The following ZNF66 variants were observed in gnomAD, a reference collection of about 807,000 sequenced individuals.
The protein encoded by ZNF66 is zinc finger protein 66.
ZNF66 carries 32 observed loss-of-function variants against 35.2 expected under a neutral mutation model. That is an observed-to-expected ratio of 0.91 (90% CI 0.69 to 1.22). The LOEUF is 1.22. Among genes scored for constraint, ZNF66 ranks in the 50% most tolerant of loss-of-function variants. The probability of loss-of-function intolerance (pLI) is 0.00; values close to 1 mark genes in which losing one functional copy is unlikely to be tolerated. For synonymous variants in ZNF66, 231 were observed against 181.3 expected (o/e 1.27, Z -2.20); for missense variants, 666 against 543.1 (o/e 1.23, Z -2.25).
At position 20,807,072 on chromosome 19, in the gene ZNF66, A is replaced by T; in HGVS notation, c.1472A>T (p.Lys491Met). Residue 491 changes from lysine (K) to methionine (M), a missense_variant, in exon 4 of 4, where the codon AAG becomes ATG. By Grantham distance (95) the Lys-to-Met change is moderately conservative (BLOSUM62 -1). Coordinates refer to ENST00000344519, the MANE Select transcript of ZNF66 (RefSeq NM_001355197.2). ...TGTGAAGAATGTGGCAAGGCCTTTAAGTGCTCCTCTATTCTTACTACACAT... is the reference window on the plus strand; with the variant it reads ...TGTGAAGAATGTGGCAAGGCCTTTATGTGCTCCTCTATTCTTACTACACAT... Reference protein sequence around the residue: ...YKCEECGKAFKCSSILTTHKR... With the variant: ...YKCEECGKAFMCSSILTTHKR... 1 of 801,820 alleles carries T rather than the reference A, an allele frequency of 1.2e-6. No individual in the cohort carries two copies. 49.7% of individuals were successfully genotyped at this position (801,820 alleles called of 1,614,324 possible).
chr19:20,797,880 C>T (rs1011899259), intron 3 of ZNF66, among the ~76,000 whole-genome samples: 1 of 152,046 alleles, frequency 6.6e-6, no homozygotes, highest in East Asian at 1.9e-4. Flanking sequence ...GGTTTCTTAC[C>T]ATTAGTTTAT....
At chr19:20,792,011 C>T (rs1206286386) in intron 1 of ZNF66, among the ~76,000 whole-genome samples, 1 of 152,066 alleles carries the variant, frequency 6.6e-6, no homozygotes, top group Non-Finnish European at 1.5e-5. Context: ...GGAAAAAACA[C>T]AGGCTCTTCC....
At position 20,793,763 on chromosome 19, in the gene ZNF66, AT is replaced by A; in HGVS notation, c.131-17del. The stretch of plus-strand genomic sequence containing the variant: ...GGAGAATGTGAGCAAGATTCATGTT[AT>A]TTATTTTTGATAAAACAGGTATTGT... On this transcript the variant is annotated intron_variant, in intron 2 of 3. Coordinates refer to ENST00000344519, the MANE Select transcript of ZNF66 (RefSeq NM_001355197.2). The A allele has an allele frequency of 1.1e-6, 1 of 876,048 alleles. No homozygotes were observed. The highest frequency in any genetic ancestry group is 1.7e-6 in the Non-Finnish European group (1 of 597,720). 54.3% of individuals were successfully genotyped at this position (876,048 alleles called of 1,614,324 possible). A position where few individuals can be genotyped will look rare whatever the true frequency, so the allele number is the denominator to read the frequency against.
chr19:20,793,114 C>T (rs1048802978), intron 2 of ZNF66, among the ~76,000 whole-genome samples: 7 of 151,118 alleles, frequency 4.6e-5, no homozygotes, highest in African/African-American at 1.7e-4. Flanking sequence ...CAAGATATTT[C>T]ATCTTAATAC....
chr19:20,781,007 C>G (rs1339425428), intron 1 of ZNF66, among the ~76,000 whole-genome samples: 1 of 152,162 alleles, frequency 6.6e-6, no homozygotes, highest in African/African-American at 2.4e-5. Flanking sequence ...GCCAAGAACC[C>G]ACAAGTCTCT....
chr19:20,809,367 A>G lies in ZNF66; in HGVS notation c.*2045A>G, dbSNP rs1971564068. ...ACTCCTTGAGAAGAGCAACTCCAAG[A>G]CACATAATTGTCAGATTCACCAAAG... On this transcript the variant is annotated 3_prime_UTR_variant, in exon 4 of 4. Coordinates refer to ENST00000344519, the MANE Select transcript of ZNF66 (RefSeq NM_001355197.2). 6.6e-6 allele frequency among the ~76,000 whole-genome samples: 1 copy of G among 152,082 alleles called. No homozygotes were observed. The highest frequency in any genetic ancestry group is 1.5e-5 in the Non-Finnish European group (1 of 67,990).
chr19:20,797,169 G>A (rs10410434), intron 3 of ZNF66, among the ~76,000 whole-genome samples: 109,934 of 137,128 alleles, frequency 0.8, 44,294 homozygotes, highest in Non-Finnish European at 0.84. Flanking sequence ...TTTTAATAAT[G>A]CATCAATGTT....
At chr19:20,805,392 C>T (rs923627748) in intron 3 of ZNF66, among the ~76,000 whole-genome samples, 3 of 152,082 alleles carry the variant, frequency 2.0e-5, no homozygotes, top group African/African-American at 7.2e-5. Context: ...TGGGTTCTCA[C>T]CATCTTGGCC....
chr19:20,803,503 T>A (rs1971470672), intron 3 of ZNF66, among the ~76,000 whole-genome samples: 1 of 152,036 alleles, frequency 6.6e-6, no homozygotes, highest in Admixed American at 6.6e-5. Context: ...CTGCCTTCTA[T>A]TTTGTTATTG....
chr19:20,789,446 T>C (rs192723560), intron 1 of ZNF66, among the ~76,000 whole-genome samples: 14 of 152,308 alleles, frequency 9.2e-5, no homozygotes, highest in Admixed American at 6.5e-4. Flanking sequence ...ATGGGATAAA[T>C]AACGTATGTA....
chr19:20,788,703 A>G (rs957195399), intron 1 of ZNF66, among the ~76,000 whole-genome samples: 8 of 151,946 alleles, frequency 5.3e-5, no homozygotes, highest in Admixed American at 3.9e-4. Flanking sequence ...ACGCCTGGCC[A>G]TATAATTTCT....
Position 20,806,002 on chromosome 19 carries a change from C to G in ZNF66, c.402C>G (p.Asn134Lys), listed in dbSNP as rs780121700. The G allele has an allele frequency of 2.5e-6, 2 of 798,214 alleles. No homozygotes were observed. The highest frequency in any genetic ancestry group is 4.4e-6 in the Non-Finnish European group (2 of 457,934). The allele number at this position is 798,214 out of a possible 1,614,324, so 49.4% of individuals were successfully genotyped here. ...KVHKRGYNGL[N>K]QCLTTTQSKM... ...ACAAAAGAGGTTATAATGGACTTAA[C>G]CAATGTTTGACAACTACCCAAAGCA... is the stretch of plus-strand genomic sequence containing the variant. The change falls in exon 4 of 4, where the codon AAC (asparagine) becomes AAG (lysine). Residue 134 changes from asparagine (N) to lysine (K), a missense_variant. By Grantham distance (94) the Asn-to-Lys change is moderately conservative (BLOSUM62 0). Transcript: ENST00000344519.
intron 1 of ZNF66, among the ~76,000 whole-genome samples, chr19:20,776,740 G>T (rs1214534946): frequency 2.0e-5 from 3 of 152,182 alleles, no homozygotes; most frequent in African/African-American, 7.2e-5. Flanking sequence ...GTCTTCAGGG[G>T]AGAATGCTGA....
chr19:20,793,335 T>TTC (rs911116498), intron 2 of ZNF66, among the ~76,000 whole-genome samples: 4 of 134,716 alleles, frequency 3.0e-5, no homozygotes, highest in African/African-American at 1.1e-4. Flanking sequence ...TTCTTTTCTT[T>TTC]TTTTTTTTTT....
intron 3 of ZNF66, among the ~76,000 whole-genome samples, chr19:20,799,807 A>G (rs1971431623): frequency 2.0e-5 from 3 of 152,054 alleles, no homozygotes; most frequent in South Asian, 2.1e-4. Flanking sequence ...GTCTTTGTGT[A>G]TCACATTGTT....
chr19:20,800,361 A>G (rs1438544807), intron 3 of ZNF66, among the ~76,000 whole-genome samples: 1 of 152,224 alleles, frequency 6.6e-6, no homozygotes, highest in Non-Finnish European at 1.5e-5. Context: ...ACCAGATGCA[A>G]ATAAGAATAT....
rs769394966 is a variant in ZNF66 at position 20,806,068 on chromosome 19, A to T, written c.468A>T (p.Gln156His). Residue 156 changes from glutamine to histidine, a missense_variant, in exon 4 of 4, where the codon CAA becomes CAT. Coordinates refer to ENST00000344519, the MANE Select transcript of ZNF66 (RefSeq NM_001355197.2). ...QCDKHGKVFH[Q>H]FSNTNRHKIR... ...ATAAACATGGGAAAGTCTTTCATCAATTTTCAAATACAAACAGACATAAGA... is the reference window on the plus strand; with the variant it reads ...ATAAACATGGGAAAGTCTTTCATCATTTTTCAAATACAAACAGACATAAGA... The T allele has an allele frequency of 3.5e-6, 3 of 859,026 alleles. 1 individual carries two copies. The highest frequency in any genetic ancestry group is 3.3e-5 in the African/African-American group (2 of 59,750). The allele number at this position is 859,026 out of a possible 1,614,324, so 53.2% of individuals were successfully genotyped here. A position where few individuals can be genotyped will look rare whatever the true frequency, so the allele number is the denominator to read the frequency against.
rs571424373 is a variant in ZNF66, at chr19:20,806,493, C to A, written c.893C>A (p.Ser298Tyr). 6.6e-7 allele frequency: 1 copy of A among 1,520,684 alleles called. No homozygotes were observed. 94.2% of individuals were successfully genotyped at this position (1,520,684 alleles called of 1,614,324 possible). The change falls in exon 4 of 4, where the codon TCT (serine) becomes TAT (tyrosine). Residue 298 changes from serine (S) to tyrosine (Y), a missense_variant. By Grantham distance (144) the Ser-to-Tyr change is moderately radical. Coordinates refer to ENST00000344519, the MANE Select transcript of ZNF66 (RefSeq NM_001355197.2). ...TGTGGCAAAGTTTTTAAGTACCTTT[C>A]TTCCCTTTCTACACATAAGATAATT... ...EECGKVFKYL[S>Y]SLSTHKIIHT...
chr19:20,778,798 AAAGT>A (rs893607779), intron 1 of ZNF66, among the ~76,000 whole-genome samples: 4 of 152,116 alleles, frequency 2.6e-5, no homozygotes, highest in Non-Finnish European at 4.4e-5. Flanking sequence ...AAAAAAAAAA[AAAGT>A]AAGAACCTTA....
Sources: allele counts gnomAD v4.1 joint callset (sites outside exome capture counted in the v4.1 genomes callset), GRCh38; gene constraint gnomAD v4.1.1; transcripts MANE v1.5; gene names NCBI Gene and HGNC (gene_info 2026-07-23, HGNC 2026-07-21).